The following LRRC4C variants were observed in gnomAD, a reference collection of about 807,000 sequenced individuals.
LRRC4C encodes the protein leucine rich repeat containing 4C.
LRRC4C carries 5 observed loss-of-function variants against 33.6 expected under a neutral mutation model. The observed-to-expected ratio is 0.15, with a 90% confidence interval of 0.08 to 0.31. The LOEUF is 0.31. Among genes scored for constraint, LRRC4C ranks in the 10% least tolerant of loss-of-function variants. LRRC4C has a pLI of 1.00. For synonymous variants in LRRC4C, 329 were observed against 302.0 expected, an observed-to-expected ratio of 1.09 and a Z score of -0.93; for missense variants, 560 against 796.7, an observed-to-expected ratio of 0.70 and a Z score of 3.58.
At chr11:41,184,207 A>G (rs931046385) in intron 1 of LRRC4C, among the ~76,000 whole-genome samples, 40 of 151,602 alleles carry the variant, frequency 2.6e-4, no homozygotes, top group African/African-American at 8.9e-4. Flanking sequence ...GCTCCTCATT[A>G]TTTACGCAAA....
At chr11:40,238,368 G>C (rs747886155) in intron 5 of LRRC4C, among the ~76,000 whole-genome samples, 1 of 152,080 alleles carries the variant, frequency 6.6e-6, no homozygotes, top group East Asian at 1.9e-4. Flanking sequence ...TTGGATAATG[G>C]CTAATGTTCT....
chr11:41,203,907 A>G (rs1461254261), intron 1 of LRRC4C, among the ~76,000 whole-genome samples: 1 of 152,224 alleles, frequency 6.6e-6, no homozygotes, highest in Non-Finnish European at 1.5e-5. Flanking sequence ...AATCGCTGAC[A>G]GGTGATGTTT....
intron 1 of LRRC4C, among the ~76,000 whole-genome samples, chr11:41,381,802 G>C (rs890846587): frequency 2.6e-5 from 4 of 151,222 alleles, no homozygotes; most frequent in Admixed American, 6.6e-5. Context: ...ATTTGAAAAG[G>C]CATCAAGTAG....
intron 3 of LRRC4C, among the ~76,000 whole-genome samples, chr11:40,644,312 A>T (rs1385877337): frequency 6.6e-6 from 1 of 152,226 alleles, no homozygotes. Context: ...GGATGAGAGG[A>T]CAAGGACAGG....
intron 4 of LRRC4C, among the ~76,000 whole-genome samples, chr11:40,247,204 A>C (rs933107621): frequency 2.0e-5 from 3 of 151,896 alleles, no homozygotes; most frequent in Non-Finnish European, 2.9e-5. Flanking sequence ...TCTCCAGCGC[A>C]CCCACTGAGT....
chr11:40,897,019 T>C (rs550046837), intron 2 of LRRC4C, among the ~76,000 whole-genome samples: 8 of 152,276 alleles, frequency 5.3e-5, no homozygotes, highest in African/African-American at 1.7e-4. Flanking sequence ...TAAAAGGAAA[T>C]ATTTAGTAAT....
At chr11:41,007,514 A>G (rs1179430613) in intron 1 of LRRC4C, among the ~76,000 whole-genome samples, 1 of 152,090 alleles carries the variant, frequency 6.6e-6, no homozygotes, top group African/African-American at 2.4e-5. Context: ...ATGTAGCAAT[A>G]CCACTTCTAG....
At chr11:41,073,595 T>G (rs1157994056) in intron 1 of LRRC4C, among the ~76,000 whole-genome samples, 1 of 152,216 alleles carries the variant, frequency 6.6e-6, no homozygotes, top group African/African-American at 2.4e-5. Context: ...AGGGGGCTAA[T>G]GATTTTTCAT....
chr11:40,554,366 T>C (rs1469890530), intron 3 of LRRC4C, among the ~76,000 whole-genome samples: 1 of 152,226 alleles, frequency 6.6e-6, no homozygotes, highest in African/African-American at 2.4e-5. Context: ...GCTGTAGTCT[T>C]GTAGTGTAGT....
chr11:40,902,178 G>T (rs1375558418), intron 2 of LRRC4C, among the ~76,000 whole-genome samples: 1 of 151,968 alleles, frequency 6.6e-6, no homozygotes, highest in Non-Finnish European at 1.5e-5. Flanking sequence ...GCATGTCTTT[G>T]TGTCACATTT....
At chr11:40,556,717 G>T (rs1430851901) in intron 3 of LRRC4C, among the ~76,000 whole-genome samples, 1 of 151,980 alleles carries the variant, frequency 6.6e-6, no homozygotes, top group Non-Finnish European at 1.5e-5. Context: ...GCAAAATTAG[G>T]ATAAAAAAAT....
At chr11:40,819,758 C>T (rs1325623421) in intron 2 of LRRC4C, among the ~76,000 whole-genome samples, 1 of 151,832 alleles carries the variant, frequency 6.6e-6, no homozygotes, top group African/African-American at 2.4e-5. Flanking sequence ...TCACCATACA[C>T]TGCATCTGCA....
At chr11:41,181,588 G>C (rs941888265) in intron 1 of LRRC4C, among the ~76,000 whole-genome samples, 5 of 152,142 alleles carry the variant, frequency 3.3e-5, no homozygotes, top group Non-Finnish European at 5.9e-5. Context: ...CAATTAAAGG[G>C]TGAGGATCAA....
intron 3 of LRRC4C, among the ~76,000 whole-genome samples, chr11:40,540,089 T>C (rs979913253): frequency 6.6e-6 from 1 of 152,168 alleles, no homozygotes; most frequent in Non-Finnish European, 1.5e-5. Flanking sequence ...TCCCTACTCA[T>C]TGGGACTCAT....
intron 3 of LRRC4C, among the ~76,000 whole-genome samples, chr11:40,405,394 G>C (rs1949923679): frequency 6.6e-6 from 1 of 151,938 alleles, no homozygotes; most frequent in South Asian, 2.1e-4. Flanking sequence ...CCAGCGCTTT[G>C]GGAAGCCAAG....
intron 6 of LRRC4C, among the ~76,000 whole-genome samples, chr11:40,125,356 T>TATATC (rs367750773): frequency 0.064 from 9,713 of 152,158 alleles, 426 homozygotes; most frequent in Non-Finnish European, 0.091. Flanking sequence ...ACAAAGCTGA[T>TATATC]AAGAAAGAAA....
chr11:40,255,128 T>C (rs1411720062), intron 4 of LRRC4C, among the ~76,000 whole-genome samples: 1 of 152,092 alleles, frequency 6.6e-6, no homozygotes, highest in Non-Finnish European at 1.5e-5. Context: ...TTCTGATAAA[T>C]GCTTTGGACA....
chr11:40,872,823 T>C (rs1954716352), intron 2 of LRRC4C, among the ~76,000 whole-genome samples: 2 of 152,206 alleles, frequency 1.3e-5, no homozygotes, highest in Non-Finnish European at 1.5e-5. Flanking sequence ...CACAGAATTA[T>C]CTTGCTTTAA....
At chr11:41,071,745 A>G (rs554468081) in intron 1 of LRRC4C, among the ~76,000 whole-genome samples, 2 of 152,336 alleles carry the variant, frequency 1.3e-5, no homozygotes, top group East Asian at 3.9e-4. Flanking sequence ...TAGCTACCAT[A>G]GATAGTACTT....
Sources: allele counts gnomAD v4.1 joint callset (sites outside exome capture counted in the v4.1 genomes callset), GRCh38; gene constraint gnomAD v4.1.1; transcripts MANE v1.5; gene names NCBI Gene and HGNC (gene_info 2026-07-23, HGNC 2026-07-21).